The following GABRB3 variants were observed in gnomAD, a reference collection of about 807,000 sequenced individuals.
The protein encoded by GABRB3 is gamma-aminobutyric acid receptor subunit beta-3.
In GABRB3, 14 loss-of-function variants were observed where a neutral mutation model predicts 52.1. The observed-to-expected ratio is 0.27, with a 90% CI of 0.18 to 0.42. GABRB3 has a LOEUF of 0.42. GABRB3 is among the 10% of genes least tolerant of loss of function. The pLI, the probability that GABRB3 is intolerant of heterozygous loss-of-function variation, is 1.00. For synonymous variants in GABRB3, 260 were observed against 232.3 expected, an observed-to-expected ratio of 1.12 and a Z score of -1.08; for missense variants, 307 against 609.1, an observed-to-expected ratio of 0.50 and a Z score of 5.22.
chr15:26,679,350 T>C (rs565511197), intron 3 of GABRB3, among the ~76,000 whole-genome samples: 1 of 152,106 alleles, frequency 6.6e-6, no homozygotes, highest in East Asian at 1.9e-4. Flanking sequence ...ATATCCTCCT[T>C]GAACTTTCAG....
chr15:26,692,970 T>C (rs1421111132), intron 3 of GABRB3, among the ~76,000 whole-genome samples: 4 of 152,186 alleles, frequency 2.6e-5, no homozygotes, highest in Admixed American at 2.6e-4. Flanking sequence ...AACTATTGGT[T>C]ACACAAAGGA....
At chr15:26,734,145 T>C (rs1890005840) in intron 3 of GABRB3, among the ~76,000 whole-genome samples, 1 of 147,486 alleles carries the variant, frequency 6.8e-6, no homozygotes, top group South Asian at 2.2e-4. Context: ...TTCTCCTACC[T>C]CAGTATCTCG....
chr15:26,568,440 C>T (rs1345474960), intron 6 of GABRB3, among the ~76,000 whole-genome samples: 1 of 151,978 alleles, frequency 6.6e-6, no homozygotes, highest in African/African-American at 2.4e-5. Context: ...GAAAATATGC[C>T]ATTTATCATG....
chr15:26,765,634 T>C (rs1187670548), intron 3 of GABRB3, among the ~76,000 whole-genome samples: 1 of 152,206 alleles, frequency 6.6e-6, no homozygotes, highest in East Asian at 1.9e-4. Flanking sequence ...CTATTGAATA[T>C]TGGATCCTAT....
intron 8 of GABRB3, among the ~76,000 whole-genome samples, chr15:26,556,950 C>A (rs1273650505): frequency 1.3e-5 from 2 of 152,108 alleles, no homozygotes; most frequent in Admixed American, 1.3e-4. Flanking sequence ...TGTTGTTGGC[C>A]ACACTGAGAT....
intron 8 of GABRB3, among the ~76,000 whole-genome samples, chr15:26,549,206 C>T (rs1378935988): frequency 1.3e-5 from 2 of 152,160 alleles, no homozygotes; most frequent in East Asian, 3.9e-4. Context: ...TGTGTCTTCC[C>T]GCCTTCTGCA....
chr15:26,596,251 A>G (rs1001113189), intron 4 of GABRB3, among the ~76,000 whole-genome samples: 1 of 152,182 alleles, frequency 6.6e-6, no homozygotes, highest in African/African-American at 2.4e-5. Flanking sequence ...TATAAATAAA[A>G]TAGATATTTC....
In GABRB3 at chr15:26,554,021, T is replaced by TTTTATATATATA. The variant is rs1555400756; in HGVS notation, c.1081-5888_1081-5887insTATATATATAAA. Among the ~76,000 whole-genome samples the TTTTATATATATA allele has an allele frequency of 1.5e-3, 36 of 23,678 alleles. 2 individuals carry two copies. The highest frequency in any genetic ancestry group is 5.5e-3 in the African/African-American group (30 of 5,492). The allele number at this position is 23,678 out of a possible 152,430, so 15.5% of individuals were successfully genotyped here. On this transcript the variant is annotated intron_variant, in intron 8 of 8. Transcript: ENST00000311550. ...TCCCGAGTAGCTGACACCTGACTAT[T>TTTTATATATATA]TATATATATATATATTTATTTATTT... is the stretch of plus-strand genomic sequence containing the variant.
At chr15:26,617,839 A>G (rs1218921158) in intron 4 of GABRB3, among the ~76,000 whole-genome samples, 1 of 151,704 alleles carries the variant, frequency 6.6e-6, no homozygotes, top group African/African-American at 2.4e-5. Flanking sequence ...AAATCAATGT[A>G]CAAAAATCAC....
At chr15:26,635,323 G>A (rs1269071230) in intron 3 of GABRB3, among the ~76,000 whole-genome samples, 2 of 151,938 alleles carry the variant, frequency 1.3e-5, no homozygotes, top group Non-Finnish European at 2.9e-5. Context: ...CAGGCTGGAT[G>A]ATCCATGCCT....
intron 3 of GABRB3, among the ~76,000 whole-genome samples, chr15:26,660,848 A>G (rs975638471): frequency 6.6e-6 from 1 of 152,140 alleles, no homozygotes; most frequent in African/African-American, 2.4e-5. Context: ...TGGGGGGGCA[A>G]GGGGTTTTGA....
Position 26,607,164 on chromosome 15 carries a change from C to A in GABRB3, c.461+14150G>T, listed in dbSNP as rs544143032. ...ATAAATTTGTTCTGACCATGAGGCA[C>A]CCCTGGAGTCTCTGTGAATCTACTA... On this transcript the variant is annotated intron_variant, in intron 4 of 8. Transcript: ENST00000311550. Among the ~76,000 whole-genome samples the A allele has an allele frequency of 4.9e-4, 74 of 152,248 alleles. 2 individuals are homozygous for A. The South Asian group carries it at 0.015, about 30-fold the overall frequency.
At chr15:26,585,340 T>G (rs1476146418) in intron 4 of GABRB3, among the ~76,000 whole-genome samples, 1 of 152,198 alleles carries the variant, frequency 6.6e-6, no homozygotes. Context: ...TTTTTCTGAA[T>G]GATCTTCATT....
intron 4 of GABRB3, among the ~76,000 whole-genome samples, chr15:26,608,630 T>C (rs1264688416): frequency 6.6e-6 from 1 of 151,696 alleles, no homozygotes; most frequent in African/African-American, 2.4e-5. Flanking sequence ...ATTTAAAAAA[T>C]GGAGAAGGAA....
At chr15:26,772,351 C>A in intron 3 of GABRB3, 51 bp downstream of exon 3, 2 of 1,517,050 alleles carry the variant, frequency 1.3e-6, no homozygotes, top group Non-Finnish European at 1.8e-6. Flanking sequence ...CCTGTGATCC[C>A]AGACAGCGGG....
rs145802837 is a variant in GABRB3 at position 26,770,273 on chromosome 15, T to A, written c.240+2129A>T. Among the ~76,000 whole-genome samples, 302 of 152,302 alleles carry A rather than the reference T, an allele frequency of 2.0e-3. 1 individual carries two copies. Among genetic ancestry groups the A allele is most frequent in the African/African-American group, 6.4e-3 (265 of 41,548 alleles). ...TACTGGGATCCTCAATATTTGTTTA[T>A]AATAGGTGTGTGTTTACAGAGCCAG... is the stretch of plus-strand genomic sequence containing the variant. On this transcript the variant is annotated intron_variant, in intron 3 of 8. Transcript: ENST00000311550.
At chr15:26,644,033 C>A (rs1013914013) in intron 3 of GABRB3, among the ~76,000 whole-genome samples, 1 of 152,016 alleles carries the variant, frequency 6.6e-6, no homozygotes. Context: ...CTGAGGGTAC[C>A]CAGGGCAGGA....
At chr15:26,773,627 G>GGGAAGCC, upstream of GABRB3, 1 of 1,549,066 alleles carries the variant, frequency 6.5e-7, no homozygotes, top group Non-Finnish European at 8.7e-7. Flanking sequence ...GCAGAACGCC[G>GGGAAGCC]GGAAGCCCCC....
chr15:26,659,218 A>G (rs1259920290), intron 3 of GABRB3, among the ~76,000 whole-genome samples: 3 of 152,214 alleles, frequency 2.0e-5, no homozygotes, highest in African/African-American at 4.8e-5. Flanking sequence ...AATGAAACCA[A>G]TAATTTATCT....
Sources: gnomAD v4.1 joint callset for allele counts (sites outside exome capture counted in the v4.1 genomes callset) on GRCh38, gnomAD v4.1.1 for gene constraint, MANE v1.5 for transcripts, NCBI Gene and HGNC (gene_info 2026-07-23, HGNC 2026-07-21) for gene names.